Variants in DYDC1 observed in about 807,000 individuals in gnomAD.
DYDC1 encodes the protein DPY30 domain-containing protein 1.
A neutral mutation model predicts 27.9 loss-of-function variants in DYDC1; 21 were observed. The observed-to-expected ratio is 0.75, with a 90% CI of 0.53 to 1.08. The LOEUF (loss-of-function observed/expected upper bound fraction) is 1.08, where lower values mean the gene tolerates loss of function less well. Among genes scored for constraint, DYDC1 ranks in the 50% least tolerant of loss-of-function variants. DYDC1 has a pLI of 0.00. For synonymous variants in DYDC1, 67 were observed against 65.8 expected (o/e 1.02, Z -0.09); for missense variants, 202 against 205.9 (o/e 0.98, Z 0.12).
intron 3 of DYDC1, among the ~76,000 whole-genome samples, chr10:80,348,628 T>C (rs1209408284): frequency 4.6e-5 from 7 of 152,222 alleles, no homozygotes; most frequent in African/African-American, 1.7e-4. Context: ...GCAAAGGAAA[T>C]TTCCATATTC....
In DYDC1 at chr10:80,352,457, G is replaced by T; in HGVS notation, c.145C>A (p.Leu49Met). 1 of 1,596,908 alleles carries T rather than the reference G, an allele frequency of 6.3e-7. No homozygotes were observed. The highest frequency in any genetic ancestry group is 1.2e-5 in the South Asian group (1 of 86,820). Residue 49 changes from leucine to methionine, a missense_variant and splice_region_variant, in exon 2 of 7, where the codon CTG becomes ATG. Physicochemically the swap from Leu to Met is conservative, Grantham distance 15 (BLOSUM62 2). Coordinates refer to ENST00000372202, the MANE Select transcript of DYDC1 (RefSeq NM_001269053.2). ...CCTAGAAGGAGATTCCTACTTACCA[G>T]TTGTTCCATGGTCACATTTTCCTTA... Reference protein sequence around the residue: ...KYKENVTMEQLRQKEMAKLER... With the variant: ...KYKENVTMEQMRQKEMAKLER...
At chr10:80,341,503 G>GA (rs1842318910) in intron 4 of DYDC1, among the ~76,000 whole-genome samples, 1 of 144,494 alleles carries the variant, frequency 6.9e-6, no homozygotes, top group African/African-American at 2.6e-5. Context: ...TTATTTTAAT[G>GA]AAAGTCCATG....
At chr10:80,356,419 A>C in intron 1 of DYDC1, 1 of 985,560 alleles carries the variant, frequency 1.0e-6, no homozygotes, top group Non-Finnish European at 1.2e-6. Context: ...CAGGGGTGCC[A>C]GATACAGTAT....
chr10:80,354,179 TG>T (rs1843198552), intron 1 of DYDC1, among the ~76,000 whole-genome samples: 1 of 150,430 alleles, frequency 6.6e-6, no homozygotes, highest in Admixed American at 6.6e-5. Flanking sequence ...TGTAATCAAT[TG>T]TTAAACAAAT....
At chr10:80,338,351 G>C in intron 6 of DYDC1, 116 bp downstream of exon 6, 3 of 1,413,790 alleles carry the variant, frequency 2.1e-6, no homozygotes, top group Non-Finnish European at 2.8e-6. Context: ...TGAAGCAAAA[G>C]GCCTATTTGC....
At chr10:80,351,873 C>A in intron 3 of DYDC1, 28 bp downstream of exon 3, 1 of 1,603,866 alleles carries the variant, frequency 6.2e-7, no homozygotes, top group Admixed American at 1.7e-5. Context: ...TAATTCCAGT[C>A]CCCTCTGAAC....
chr10:80,336,329 T>A (rs2132732189), intron 6 of DYDC1, 144 bp from the exon 7 acceptor site: 19 of 1,364,468 alleles, frequency 1.4e-5, no homozygotes, highest in Non-Finnish European at 1.7e-5. Flanking sequence ...CAAATGATAC[T>A]CAAATTGAAT....
chr10:80,352,138 T>G, intron 2 of DYDC1, 136 bp from the exon 3 acceptor site: 1 of 814,890 alleles, frequency 1.2e-6, no homozygotes. Context: ...GGAAATGATA[T>G]AATAATTTGG....
At chr10:80,352,668 A>G in intron 1 of DYDC1, 58 bp from the exon 2 acceptor site, 1 of 1,534,512 alleles carries the variant, frequency 6.5e-7, no homozygotes, top group African/African-American at 1.4e-5. Context: ...TCACTATAAA[A>G]CTAAAGTCCA....
At position 80,342,448 on chromosome 10, in the gene DYDC1, A is replaced by G. The variant is rs771679343; in HGVS notation, c.250-87T>C. On this transcript the variant is annotated intron_variant, in intron 3 of 6. Transcript: ENST00000372202. ...CCCACCTTCATTTCAGAAACTTACA[A>G]TACATGGTCACATCCAACTAATACT... 14 of 1,209,956 alleles carry G rather than the reference A, an allele frequency of 1.2e-5. No homozygotes were observed. In the South Asian group the frequency reaches 1.9e-4, roughly 17 times the overall value. The allele number at this position is 1,209,956 out of a possible 1,614,324, so 75.0% of individuals were successfully genotyped here.
At chr10:80,339,788 G>T (rs1842258917) in intron 4 of DYDC1, among the ~76,000 whole-genome samples, 1 of 152,172 alleles carries the variant, frequency 6.6e-6, no homozygotes, top group African/African-American at 2.4e-5. Flanking sequence ...TAGAAGACCA[G>T]TGATTTCTTG....
chr10:80,341,439 T>C (rs1198914015), intron 4 of DYDC1, among the ~76,000 whole-genome samples: 1 of 97,596 alleles, frequency 1.0e-5, no homozygotes, highest in Non-Finnish European at 1.9e-5. Context: ...TGAGACTCTG[T>C]CTCAAAAAAA....
chr10:80,336,437 G>C (rs1323560517), intron 6 of DYDC1: 10 of 795,832 alleles, frequency 1.3e-5, no homozygotes, highest in Non-Finnish European at 1.5e-5. Context: ...TCCTCTTCCT[G>C]TGGCCATCCC....
chr10:80,342,621 G>C (rs1461011129), intron 3 of DYDC1, among the ~76,000 whole-genome samples: 1 of 152,148 alleles, frequency 6.6e-6, no homozygotes, highest in African/African-American at 2.4e-5. Context: ...CAATTTTCCA[G>C]ATAAATTTCT....
chr10:80,340,721 T>A (rs539596689), intron 4 of DYDC1, among the ~76,000 whole-genome samples: 3 of 152,382 alleles, frequency 2.0e-5, no homozygotes, highest in African/African-American at 7.2e-5. Flanking sequence ...CTGATATAAA[T>A]AGCTGTACAT....
intron 6 of DYDC1, chr10:80,337,175 C>T (rs1419833068): frequency 2.0e-6 from 2 of 985,338 alleles, no homozygotes; most frequent in Admixed American, 1.2e-4. Context: ...ATTCCTTGAA[C>T]TTCACCTCCT....
At chr10:80,345,704 T>C (rs1201353102) in intron 3 of DYDC1, among the ~76,000 whole-genome samples, 1 of 152,202 alleles carries the variant, frequency 6.6e-6, no homozygotes, top group Non-Finnish European at 1.5e-5. Context: ...TGATGTCTGG[T>C]TTATTTCACT....
intron 3 of DYDC1, among the ~76,000 whole-genome samples, chr10:80,345,862 T>C (rs1373010166): frequency 2.0e-5 from 3 of 152,178 alleles, no homozygotes; most frequent in Admixed American, 6.5e-5. Flanking sequence ...GAGAAATACA[T>C]CTTACGTTTT....
chr10:80,342,407 G>A, intron 3 of DYDC1, 46 bp from the exon 4 acceptor site: 13 of 1,586,156 alleles, frequency 8.2e-6, no homozygotes, highest in South Asian at 1.1e-5. Context: ...TTAATTGCAA[G>A]ATAATTAAGT....
Sources: gnomAD v4.1 joint callset for allele counts (sites outside exome capture counted in the v4.1 genomes callset) on GRCh38, gnomAD v4.1.1 for gene constraint, MANE v1.5 for transcripts, NCBI Gene and HGNC (gene_info 2026-07-23, HGNC 2026-07-21) for gene names.